SLC38A10: variants seen among roughly 807,000 people sequenced by gnomAD.
SLC38A10 encodes Sodium-coupled neutral amino acid transporter 10.
A neutral mutation model predicts 81.0 loss-of-function variants in SLC38A10; 53 were observed. That is an observed-to-expected ratio of 0.65 (90% CI 0.53 to 0.82). SLC38A10 has a LOEUF of 0.82. Among genes scored for constraint, SLC38A10 ranks in the 40% least tolerant of loss-of-function variants. The pLI, the probability that SLC38A10 is intolerant of heterozygous loss-of-function variation, is 0.00. For synonymous variants in SLC38A10, 665 were observed against 655.3 expected, an observed-to-expected ratio of 1.01 and a Z score of -0.23; for missense variants, 1,471 against 1,545.0, an observed-to-expected ratio of 0.95 and a Z score of 0.80.
chr17:81,272,173 C>T (rs928259822), intron 9 of SLC38A10, among the ~76,000 whole-genome samples: 1 of 151,810 alleles, frequency 6.6e-6, no homozygotes, highest in Non-Finnish European at 1.5e-5. Context: ...GCTAGGATTA[C>T]AGGCATGCAC....
chr17:81,253,649 A>C lies in SLC38A10; in HGVS notation c.1289-409T>G, dbSNP rs1018383321. On this transcript the variant is annotated intron_variant, in intron 11 of 15. Coordinates refer to ENST00000374759, the MANE Select transcript of SLC38A10 (RefSeq NM_001037984.3). The surrounding 1 kb of genome is among the most constrained non-coding windows in gnomAD (Gnocchi z 4.1). The stretch of plus-strand genomic sequence containing the variant: ...ATCATCTCCATCCCTACCACCATCA[A>C]CATCACCATCATCACCATCATCTCC... Among the ~76,000 whole-genome samples, 71 of 142,068 alleles carry C rather than the reference A, an allele frequency of 5.0e-4. No homozygotes were observed. Among genetic ancestry groups the C allele is most frequent in the African/African-American group, 1.7e-3 (64 of 37,906 alleles). 93.2% of individuals were successfully genotyped at this position (142,068 alleles called of 152,430 possible). A position where few individuals can be genotyped will look rare whatever the true frequency, so the allele number is the denominator to read the frequency against.
At chr17:81,252,138 A>C (rs1300960614) in intron 13 of SLC38A10, 57 bp downstream of exon 13, 2 of 1,486,504 alleles carry the variant, frequency 1.3e-6, no homozygotes, top group Non-Finnish European at 1.8e-6. Flanking sequence ...GCCCCTGCCC[A>C]GCCTCCCCAG....
At chr17:81,274,172 G>A (rs181698286) in intron 8 of SLC38A10, among the ~76,000 whole-genome samples, 257 of 152,338 alleles carry the variant, frequency 1.7e-3, no homozygotes, top group Non-Finnish European at 3.2e-3. Flanking sequence ...GCCATATGAC[G>A]GGCTCTGGCC....
intron 10 of SLC38A10, among the ~76,000 whole-genome samples, chr17:81,269,986 A>G (rs1277434443): frequency 6.6e-6 from 1 of 152,184 alleles, no homozygotes; most frequent in African/African-American, 2.4e-5. Flanking sequence ...AAAATTATCA[A>G]TATATTCCAG....
At chr17:81,249,741 G>A (rs986744261) in intron 14 of SLC38A10, among the ~76,000 whole-genome samples, 5 of 152,052 alleles carry the variant, frequency 3.3e-5, no homozygotes, top group African/African-American at 1.2e-4. Flanking sequence ...GGCCCATGAG[G>A]CAGCAGTGCA....
At chr17:81,255,345 G>A (rs1250296371) in intron 11 of SLC38A10, among the ~76,000 whole-genome samples, 2 of 152,256 alleles carry the variant, frequency 1.3e-5, no homozygotes, top group African/African-American at 4.8e-5. Context: ...TTTGCGTCAG[G>A]GACAGTTTGC....
At position 81,280,750 on chromosome 17, in the gene SLC38A10, G is replaced by C. The variant is rs756273539; in HGVS notation, c.502-17C>G. On this transcript the variant is annotated splice_polypyrimidine_tract_variant and intron_variant, in intron 5 of 15. Transcript: ENST00000374759. ...GAGCACGATCTGCAGAGGGAGAGGG[G>C]AGAGAGCACGGGGCAGGTCAGGACG... 6.2e-7 allele frequency: 1 copy of C among 1,606,802 alleles called. No homozygotes were observed. Among genetic ancestry groups the C allele is most frequent in the East Asian group, 2.2e-5 (1 of 44,770 alleles).
chr17:81,276,525 G>A lies in SLC38A10; in HGVS notation c.730-374C>T, dbSNP rs746797234. ...TCCTGCCTCAGCCTCCCGAGTAGCC[G>A]GGTTTACATGCACGTGCCACCATGC... is the stretch of plus-strand genomic sequence containing the variant. On this transcript the variant is annotated intron_variant, in intron 7 of 15. Transcript: ENST00000374759. This position sits in a 1 kb window ranked among gnomAD's most constrained non-coding sequence, Gnocchi z 4.7. Among the ~76,000 whole-genome samples, 5 of 151,800 alleles carry A rather than the reference G, an allele frequency of 3.3e-5. No individual in the cohort carries two copies. Among genetic ancestry groups the A allele is most frequent in the African/African-American group, 9.7e-5 (4 of 41,308 alleles).
Position 81,270,829 on chromosome 17 carries a change from C to T in SLC38A10, c.1131+89G>A, listed in dbSNP as rs1457892946. ...TTTCTTGATAGAACCCATCTGAAAACGCTGAACCAGGGGCTTCCTCCCGCC... is the reference window on the plus strand; with the variant it reads ...TTTCTTGATAGAACCCATCTGAAAATGCTGAACCAGGGGCTTCCTCCCGCC... On this transcript the variant is annotated intron_variant, in intron 10 of 15. Transcript: ENST00000374759. The surrounding 1 kb of genome is among the most constrained non-coding windows in gnomAD (Gnocchi z 4.0). 5.4e-6 allele frequency: 6 copies of T among 1,117,458 alleles called. No individual in the cohort carries two copies. The highest frequency in any genetic ancestry group is 1.3e-5 in the South Asian group (1 of 75,308). The allele number at this position is 1,117,458 out of a possible 1,614,324, so 69.2% of individuals were successfully genotyped here.
chr17:81,261,671 A>G (rs2063024934), intron 10 of SLC38A10, among the ~76,000 whole-genome samples: 1 of 152,204 alleles, frequency 6.6e-6, no homozygotes, highest in East Asian at 1.9e-4. Context: ...GCCACCCGGA[A>G]ACATTGGGCT....
At chr17:81,260,692 G>A (rs548252668) in intron 10 of SLC38A10, among the ~76,000 whole-genome samples, 5 of 152,350 alleles carry the variant, frequency 3.3e-5, no homozygotes, top group South Asian at 2.1e-4. Context: ...TGTGGCTGAC[G>A]TGCCCTCCAT....
rs1457725373 is a variant in SLC38A10 at position 81,289,197 on chromosome 17, T to C, written c.217+494A>G. On this transcript the variant is annotated intron_variant, in intron 2 of 15. Coordinates refer to ENST00000374759, the MANE Select transcript of SLC38A10 (RefSeq NM_001037984.3). The surrounding 1 kb of genome is among the most constrained non-coding windows in gnomAD (Gnocchi z 5.9). ...CTAGGATTACAGATGCCTGCCACCA[T>C]GTCTGGCTAATTTTTTGTATTTCTG... is the stretch of plus-strand genomic sequence containing the variant. Among the ~76,000 whole-genome samples the C allele has an allele frequency of 6.6e-6, 1 of 151,946 alleles. No homozygotes were observed. Among genetic ancestry groups the C allele is most frequent in the Non-Finnish European group, 1.5e-5 (1 of 67,972 alleles).
In SLC38A10 at chr17:81,288,505, G is replaced by A. The variant is rs994769634; in HGVS notation, c.217+1186C>T. Among the ~76,000 whole-genome samples the A allele has an allele frequency of 4.6e-5, 7 of 152,214 alleles. No homozygotes were observed. The highest frequency in any genetic ancestry group is 3.3e-4 in the Admixed American group (5 of 15,286). ...TGCCCCCAGAATGGAACGTGGAGCC[G>A]AGAGGTGCCGAGCCTGTGGCGGGCA... On this transcript the variant is annotated intron_variant, in intron 2 of 15. Transcript: ENST00000374759. The surrounding 1 kb of genome is among the most constrained non-coding windows in gnomAD (Gnocchi z 5.4).
chr17:81,291,461 TG>T (rs1275506098), intron 1 of SLC38A10, among the ~76,000 whole-genome samples: 1 of 145,448 alleles, frequency 6.9e-6, no homozygotes, highest in African/African-American at 2.6e-5. Flanking sequence ...CACCCCAGCC[TG>T]GGTGACAGAG....
chr17:81,287,664 G>A (rs1422188956), intron 2 of SLC38A10, among the ~76,000 whole-genome samples: 1 of 152,244 alleles, frequency 6.6e-6, no homozygotes, highest in Non-Finnish European at 1.5e-5. Context: ...TGCAGGTAAA[G>A]GTTGGAAGCT....
chr17:81,294,693 C>T (rs2063334431), intron 1 of SLC38A10, 130 bp downstream of exon 1: 1 of 752,384 alleles, frequency 1.3e-6, no homozygotes, highest in East Asian at 3.5e-5. Context: ...AGAGGGTCGC[C>T]CCGCCCGCGG....
At chr17:81,280,468 A>C in intron 6 of SLC38A10, 141 bp downstream of exon 6, 2 of 1,280,842 alleles carry the variant, frequency 1.6e-6, no homozygotes, top group Non-Finnish European at 2.1e-6. Context: ...TGGGGCGGGA[A>C]AGGTCATCAC....
Position 81,277,141 on chromosome 17 carries a change from G to C in SLC38A10, c.627-8C>G. 6.2e-7 allele frequency: 1 copy of C among 1,613,498 alleles called. No individual in the cohort carries two copies. The highest frequency in any genetic ancestry group is 1.1e-5 in the South Asian group (1 of 91,038). On this transcript the variant is annotated splice_region_variant and splice_polypyrimidine_tract_variant and intron_variant, in intron 6 of 15. Coordinates refer to ENST00000374759, the MANE Select transcript of SLC38A10 (RefSeq NM_001037984.3). This position sits in a 1 kb window ranked among gnomAD's most constrained non-coding sequence, Gnocchi z 4.5. ...TAGGTGGGCAGCACCTGGCTGTATA[G>C]AAACAGGCCATTTCACAGCGGACCT...
rs2063211870 is a variant in SLC38A10 at position 81,281,498 on chromosome 17, C to T, written c.501+691G>A. On this transcript the variant is annotated intron_variant, in intron 5 of 15. Coordinates refer to ENST00000374759, the MANE Select transcript of SLC38A10 (RefSeq NM_001037984.3). The surrounding 1 kb of genome is among the most constrained non-coding windows in gnomAD (Gnocchi z 5.3). ...TCTCATTTAGAAAAATAATAGCGGCCGGGCGTGGTGGCTCATGCCTGTAAC... is the reference window on the plus strand; with the variant it reads ...TCTCATTTAGAAAAATAATAGCGGCTGGGCGTGGTGGCTCATGCCTGTAAC... Among the ~76,000 whole-genome samples, 3 of 152,172 alleles carry T rather than the reference C, an allele frequency of 2.0e-5. No individual in the cohort carries two copies. In the South Asian group the frequency reaches 6.2e-4, roughly 32 times the overall value.
Sources: allele counts gnomAD v4.1 joint callset (sites outside exome capture counted in the v4.1 genomes callset), GRCh38; gene constraint gnomAD v4.1.1; non-coding constraint Gnocchi (gnomAD v3.1); transcripts MANE v1.5; gene names NCBI Gene and HGNC (gene_info 2026-07-23, HGNC 2026-07-21).